ATP11A: variants seen among roughly 807,000 people sequenced by gnomAD.
The protein encoded by ATP11A is phospholipid-transporting ATPase IH.
Under a neutral mutation model 154.4 loss-of-function variants are expected in ATP11A, and 81 were observed. That is an observed-to-expected ratio of 0.52 (90% CI 0.44 to 0.63). ATP11A has a LOEUF of 0.63. ATP11A is among the 30% of genes least tolerant of loss of function. The pLI, the probability that ATP11A is intolerant of heterozygous loss-of-function variation, is 0.00. For synonymous variants in ATP11A, 623 were observed against 585.9 expected (o/e 1.06, Z -0.91); for missense variants, 1,316 against 1,474.3 (o/e 0.89, Z 1.76).
At chr13:112,813,783 C>T (rs1358843535) in intron 5 of ATP11A, among the ~76,000 whole-genome samples, 1 of 152,048 alleles carries the variant, frequency 6.6e-6, no homozygotes, top group Non-Finnish European at 1.5e-5. Context: ...TGTCTCGGTG[C>T]AGCTTAAATA....
chr13:112,790,822 C>G (rs976008754), intron 2 of ATP11A, among the ~76,000 whole-genome samples: 2 of 152,182 alleles, frequency 1.3e-5, no homozygotes, highest in African/African-American at 2.4e-5. Context: ...TATTTTACAA[C>G]AGAAAAGGTC....
At position 112,842,374 on chromosome 13, in the gene ATP11A, G is replaced by A. The variant is rs139662421; in HGVS notation, c.1804G>A (p.Ala602Thr). 6.9e-6 allele frequency: 11 copies of A among 1,602,366 alleles called. No individual in the cohort carries two copies. Among genetic ancestry groups the A allele is most frequent in the Admixed American group, 3.4e-5 (2 of 58,538 alleles). The change falls in exon 17 of 30, where the codon GCA becomes ACA. Residue 602 changes from alanine (A) to threonine (T), a missense_variant. Physicochemically the swap from Ala to Thr is moderately conservative, Grantham distance 58. Coordinates refer to ENST00000375645, the MANE Select transcript of ATP11A (RefSeq NM_015205.3). ...DQIRARVERN[A>T]VEGLRTLCVA... ...GATCCGAGCCAGAGTGGAGCGTAAC[G>A]CAGTGGTGAGAGCCGGGCTGGGGAG...
intron 2 of ATP11A, among the ~76,000 whole-genome samples, chr13:112,803,515 C>A (rs60689741): frequency 6.6e-6 from 1 of 152,014 alleles, no homozygotes; most frequent in Admixed American, 6.5e-5. Flanking sequence ...GTCTTCATTA[C>A]GGCGTAAAAA....
chr13:112,767,853 G>A (rs1372721506), intron 1 of ATP11A, among the ~76,000 whole-genome samples: 1 of 152,128 alleles, frequency 6.6e-6, no homozygotes, highest in Non-Finnish European at 1.5e-5. Flanking sequence ...CTGCTCGGTG[G>A]CAGTGCCTGC....
intron 2 of ATP11A, among the ~76,000 whole-genome samples, chr13:112,802,880 C>T (rs1457282273): frequency 6.6e-6 from 1 of 152,144 alleles, no homozygotes; most frequent in Non-Finnish European, 1.5e-5. Flanking sequence ...CTGATAAAAA[C>T]CTGGTATCAA....
chr13:112,700,267 C>T (rs767885345), intron 1 of ATP11A, among the ~76,000 whole-genome samples: 1 of 152,122 alleles, frequency 6.6e-6, no homozygotes, highest in African/African-American at 2.4e-5. Context: ...TTAGCGTGCC[C>T]ACCCCCAATA....
intron 26 of ATP11A, 195 bp from the exon 27 acceptor site, chr13:112,873,378 G>A (rs2080604814): frequency 5.5e-6 from 3 of 545,160 alleles, no homozygotes; most frequent in Non-Finnish European, 9.7e-6. Context: ...GGTGTGAGGT[G>A]TGGCTTTGTC....
intron 1 of ATP11A, among the ~76,000 whole-genome samples, chr13:112,749,012 G>A (rs540167721): frequency 3.3e-5 from 5 of 152,350 alleles, no homozygotes; most frequent in East Asian, 1.9e-4. Flanking sequence ...ACTGGGTCAC[G>A]GGTGGGCTGG....
chr13:112,828,139 TA>T (rs1369276224), intron 12 of ATP11A, among the ~76,000 whole-genome samples: 10 of 66,036 alleles, frequency 1.5e-4, no homozygotes, highest in Admixed American at 1.2e-3. Context: ...CAGCGTTGAG[TA>T]GGGGGGAAAG....
At chr13:112,829,789 G>A in intron 12 of ATP11A, among the ~76,000 whole-genome samples, 1 of 152,118 alleles carries the variant, frequency 6.6e-6, no homozygotes, top group Non-Finnish European at 1.5e-5. Flanking sequence ...ATATAGAAAA[G>A]CCTAAAGACT....
intron 1 of ATP11A, among the ~76,000 whole-genome samples, chr13:112,722,500 G>C (rs934529429): frequency 9.9e-5 from 15 of 152,148 alleles, no homozygotes; most frequent in Non-Finnish European, 2.2e-4. Context: ...TTTCTCAGTG[G>C]ACTTCAGGTC....
intron 1 of ATP11A, among the ~76,000 whole-genome samples, chr13:112,780,372 C>T (rs113404779): frequency 0.012 from 1,887 of 151,958 alleles, 47 homozygotes; most frequent in African/African-American, 0.041. Context: ...ATTTGCCCAG[C>T]CCCCGGCAGC....
chr13:112,823,532 G>GCCGCGCAAGTTCTGC, intron 9 of ATP11A, 123 bp downstream of exon 9: 2 of 714,606 alleles, frequency 2.8e-6, no homozygotes, highest in South Asian at 3.8e-5. Flanking sequence ...AGGCTTTCTG[G>GCCGCGCAAGTTCTGC]CCGCGCAAGT....
chr13:112,714,013 CA>C (rs1280437302), intron 1 of ATP11A, among the ~76,000 whole-genome samples: 6 of 23,130 alleles, frequency 2.6e-4, no homozygotes, highest in Non-Finnish European at 3.8e-4. Context: ...CACTCCCCCC[CA>C]CCCCTGATCC....
At chr13:112,798,062 C>G (rs925718983) in intron 2 of ATP11A, among the ~76,000 whole-genome samples, 1 of 152,122 alleles carries the variant, frequency 6.6e-6, no homozygotes, top group Non-Finnish European at 1.5e-5. Context: ...CCTTATGTGG[C>G]AGAAGGCAAA....
chr13:112,709,787 A>G (rs1887534303), intron 1 of ATP11A, among the ~76,000 whole-genome samples: 3 of 152,262 alleles, frequency 2.0e-5, no homozygotes, highest in African/African-American at 7.2e-5. Flanking sequence ...CCTTGGACAC[A>G]TGTTCTCAGG....
At chr13:112,867,774 A>G (rs2080385801) in intron 25 of ATP11A, among the ~76,000 whole-genome samples, 2 of 152,186 alleles carry the variant, frequency 1.3e-5, no homozygotes, top group Non-Finnish European at 2.9e-5. Flanking sequence ...GCCAGCACTC[A>G]GGGAACTTGG....
chr13:112,826,724 T>C lies in ATP11A; in HGVS notation c.1054T>C (p.Phe352Leu). The C allele has an allele frequency of 3.1e-6, 5 of 1,614,218 alleles. No homozygotes were observed. Among genetic ancestry groups the C allele is most frequent in the Non-Finnish European group, 4.2e-6 (5 of 1,180,034 alleles). ...FLKAFTDFLA[F>L]MVLFNYIIPV... ...CAAGGCATTCACGGACTTCCTGGCC[T>C]TCATGGTCCTCTTTAACTACATCAT... is the stretch of plus-strand genomic sequence containing the variant. Residue 352 changes from phenylalanine to leucine, a missense_variant, in exon 12 of 30, where the codon TTC (phenylalanine) becomes CTC (leucine). Around this residue, in one of 5 missense-constraint regions of ATP11A, gnomAD observed 876 missense variants for 1,006.8 expected, o/e 0.87. Coordinates refer to ENST00000375645, the MANE Select transcript of ATP11A (RefSeq NM_015205.3).
chr13:112,807,929 C>T lies in ATP11A; in HGVS notation c.333+1636C>T, dbSNP rs891159596. 4.6e-5 allele frequency among the ~76,000 whole-genome samples: 7 copies of T among 152,164 alleles called. No homozygotes were observed. The highest frequency in any genetic ancestry group is 7.4e-5 in the Non-Finnish European group (5 of 68,020). Reference sequence around the variant, plus strand: ...CCCAGGAGGCAGGCGTAGCACTGTTCTTCAGCGTCCTCTTCTCTGCATTTG... The same window carrying T: ...CCCAGGAGGCAGGCGTAGCACTGTTTTTCAGCGTCCTCTTCTCTGCATTTG... On this transcript the variant is annotated intron_variant, in intron 4 of 29. Transcript: ENST00000375645. This position sits in a 1 kb window ranked among gnomAD's most constrained non-coding sequence, Gnocchi z 4.5.
Sources: allele counts gnomAD v4.1 joint callset (sites outside exome capture counted in the v4.1 genomes callset), GRCh38; gene constraint gnomAD v4.1.1; regional missense constraint gnomAD v4.1.1; non-coding constraint Gnocchi (gnomAD v3.1); transcripts MANE v1.5; gene names NCBI Gene and HGNC (gene_info 2026-07-23, HGNC 2026-07-21).